TRIM54: variants seen among roughly 807,000 people sequenced by gnomAD.
TRIM54 encodes the protein tripartite motif containing 54, also known as tripartite motif-containing protein 54.
Under a neutral mutation model 42.0 loss-of-function variants are expected in TRIM54, and 40 were observed. The ratio of observed to expected loss-of-function variants is 0.95; its 90% CI spans 0.74 to 1.24. The LOEUF (loss-of-function observed/expected upper bound fraction) is 1.24, where lower values mean the gene tolerates loss of function less well. Among genes scored for constraint, TRIM54 ranks in the 50% most tolerant of loss-of-function variants. TRIM54 has a pLI of 0.00. For synonymous variants in TRIM54, 199 were observed against 194.9 expected, an observed-to-expected ratio of 1.02 and a Z score of -0.17; for missense variants, 485 against 480.3, an observed-to-expected ratio of 1.01 and a Z score of -0.09.
chr2:27,294,036 C>CAAT (rs1305090253), intron 1 of TRIM54, among the ~76,000 whole-genome samples: 151 of 152,120 alleles, frequency 9.9e-4, no homozygotes, highest in African/African-American at 3.4e-3. Context: ...ACAACAACAA[C>CAAT]AATAATAACA....
chr2:27,283,770 A>ACGCACGCGCGCACG (rs1487361341), intron 1 of TRIM54, among the ~76,000 whole-genome samples: 1 of 100,476 alleles, frequency 1.0e-5, no homozygotes, highest in Non-Finnish European at 1.9e-5. Context: ...AAAGGCACAC[A>ACGCACGCGCGCACG]CACACACACG....
In TRIM54 at chr2:27,306,648, G is replaced by C; in HGVS notation, c.*1+106G>C. On this transcript the variant is annotated intron_variant, in intron 8 of 8. Transcript: ENST00000380075. This position sits in a 1 kb window ranked among gnomAD's most constrained non-coding sequence, Gnocchi z 6.1. ...CTCCCCCAGTGATTGCCCTCCCTGC[G>C]GGTAGCGTGGAGCCCCCACTCCTCG... is the stretch of plus-strand genomic sequence containing the variant. The C allele has an allele frequency of 8.3e-7, 1 of 1,201,962 alleles. No individual in the cohort carries two copies. Among genetic ancestry groups the C allele is most frequent in the Non-Finnish European group, 1.1e-6 (1 of 874,058 alleles). 74.5% of individuals were successfully genotyped at this position (1,201,962 alleles called of 1,614,324 possible). A position where few individuals can be genotyped will look rare whatever the true frequency, so the allele number is the denominator to read the frequency against.
intron 2 of TRIM54, 35 bp from the exon 3 acceptor site, chr2:27,299,210 T>C: frequency 6.2e-7 from 1 of 1,610,358 alleles, no homozygotes; most frequent in Non-Finnish European, 8.5e-7. Flanking sequence ...CCCTTCATGC[T>C]TAAGGTCCAC....
chr2:27,305,974 G>C lies in TRIM54; in HGVS notation c.844-106G>C, dbSNP rs866806352. 1.7e-5 allele frequency: 25 copies of C among 1,493,668 alleles called. No homozygotes were observed. The African/African-American group carries it at 3.3e-4, about 20-fold the overall frequency. 92.5% of individuals were successfully genotyped at this position (1,493,668 alleles called of 1,614,324 possible). A position where few individuals can be genotyped will look rare whatever the true frequency, so the allele number is the denominator to read the frequency against. ...AGTTCGTTTTCTGCTTAACGAATTGGGACGTGCCTTCCCACCTACCCCGCA... is the reference window on the plus strand; with the variant it reads ...AGTTCGTTTTCTGCTTAACGAATTGCGACGTGCCTTCCCACCTACCCCGCA... On this transcript the variant is annotated intron_variant, in intron 5 of 8. Transcript: ENST00000380075.
intron 1 of TRIM54, among the ~76,000 whole-genome samples, chr2:27,283,784 GCA>G (rs3073589): frequency 0.03 from 4,021 of 132,102 alleles, 77 homozygotes; most frequent in Middle Eastern, 0.049. Context: ...ACACACGCGC[GCA>G]CACACACACA....
intron 4 of TRIM54, 98 bp downstream of exon 4, chr2:27,305,152 G>C: frequency 9.2e-7 from 1 of 1,090,336 alleles, no homozygotes; most frequent in South Asian, 1.4e-5. Context: ...TCGCCAAACT[G>C]GTCTGAAAGT....
intron 3 of TRIM54, among the ~76,000 whole-genome samples, chr2:27,302,531 C>T (rs1679064476): frequency 6.6e-6 from 1 of 152,064 alleles, no homozygotes; most frequent in African/African-American, 2.4e-5. Flanking sequence ...GTGGCTCATG[C>T]CTGTAATCCC....
intron 3 of TRIM54, among the ~76,000 whole-genome samples, chr2:27,303,685 G>C (rs929559205): frequency 6.6e-6 from 1 of 152,134 alleles, no homozygotes; most frequent in Non-Finnish European, 1.5e-5. Flanking sequence ...ATTTAGGCCC[G>C]TAGGTATTCC....
At chr2:27,285,804 TTA>T (rs1678541376) in intron 1 of TRIM54, among the ~76,000 whole-genome samples, 1 of 152,204 alleles carries the variant, frequency 6.6e-6, no homozygotes, top group African/African-American at 2.4e-5. Context: ...TCTAAAACAT[TTA>T]GATGGTTTTC....
chr2:27,283,764 GCACACACACACACACGCGCGCA>G (rs1400918356), intron 1 of TRIM54, among the ~76,000 whole-genome samples: 12 of 117,928 alleles, frequency 1.0e-4, no homozygotes, highest in African/African-American at 3.4e-4. Flanking sequence ...AGGGGCAAAG[GCACACACACACACACGCGCGCA>G]CACACACACA....
chr2:27,295,411 A>G (rs969608889), intron 1 of TRIM54, among the ~76,000 whole-genome samples: 1 of 152,060 alleles, frequency 6.6e-6, no homozygotes, highest in Non-Finnish European at 1.5e-5. Context: ...GGTTCAAGCA[A>G]TTCTCTTGCC....
intron 1 of TRIM54, among the ~76,000 whole-genome samples, chr2:27,290,518 T>C (rs1678692371): frequency 6.6e-6 from 1 of 152,050 alleles, no homozygotes; most frequent in African/African-American, 2.4e-5. Flanking sequence ...ATCAAAAAAT[T>C]AGCCGGGCAT....
chr2:27,298,755 C>T lies in TRIM54; in HGVS notation c.341+16C>T. The T allele has an allele frequency of 1.2e-6, 2 of 1,611,660 alleles. No individual in the cohort carries two copies. Among genetic ancestry groups the T allele is most frequent in the African/African-American group, 1.3e-5 (1 of 75,044 alleles). On this transcript the variant is annotated intron_variant, in intron 2 of 8. Transcript: ENST00000380075. ...AGTCATCCAGGTGAGCCACCAGAGTCTCTTGCCTCTCTCATGACAGGGCTT... is the reference window on the plus strand; with the variant it reads ...AGTCATCCAGGTGAGCCACCAGAGTTTCTTGCCTCTCTCATGACAGGGCTT...
At chr2:27,283,349 G>A (rs35145802) in intron 1 of TRIM54, among the ~76,000 whole-genome samples, 3,706 of 152,206 alleles carry the variant, frequency 0.024, 62 homozygotes, top group Middle Eastern at 0.054. Flanking sequence ...CTCCATAATG[G>A]CAGTAAAACT....
rs184131812 is a variant in TRIM54, at chr2:27,296,964, G to T, written c.169-1603G>T. On this transcript the variant is annotated intron_variant, in intron 1 of 8. Transcript: ENST00000380075. Reference sequence around the variant, plus strand: ...AGTAGAGATGAGTTCTTGCTATGTTGCCCAGGCTGGTCTCAAACTCCTGAG... The same window carrying T: ...AGTAGAGATGAGTTCTTGCTATGTTTCCCAGGCTGGTCTCAAACTCCTGAG... Among the ~76,000 whole-genome samples the T allele has an allele frequency of 2.1e-3, 314 of 152,190 alleles. 2 individuals carry two copies. Among genetic ancestry groups the T allele is most frequent in the African/African-American group, 7.2e-3 (301 of 41,524 alleles).
rs1028676400 is a variant in TRIM54, at chr2:27,306,647, C to T, written c.*1+105C>T. The T allele has an allele frequency of 1.6e-6, 2 of 1,217,502 alleles. No individual in the cohort carries two copies. Among genetic ancestry groups the T allele is most frequent in the Non-Finnish European group, 2.3e-6 (2 of 888,092 alleles). The allele number at this position is 1,217,502 out of a possible 1,614,324, so 75.4% of individuals were successfully genotyped here. A position where few individuals can be genotyped will look rare whatever the true frequency, so the allele number is the denominator to read the frequency against. On this transcript the variant is annotated intron_variant, in intron 8 of 8. Coordinates refer to ENST00000380075, the MANE Select transcript of TRIM54 (RefSeq NM_187841.3). This position sits in a 1 kb window ranked among gnomAD's most constrained non-coding sequence, Gnocchi z 6.1. Reference sequence around the variant, plus strand: ...CCTCCCCCAGTGATTGCCCTCCCTGCGGGTAGCGTGGAGCCCCCACTCCTC... The same window carrying T: ...CCTCCCCCAGTGATTGCCCTCCCTGTGGGTAGCGTGGAGCCCCCACTCCTC...
At chr2:27,285,403 A>C (rs905397372) in intron 1 of TRIM54, among the ~76,000 whole-genome samples, 2 of 152,220 alleles carry the variant, frequency 1.3e-5, no homozygotes, top group Non-Finnish European at 2.9e-5. Flanking sequence ...ATACCCTTAG[A>C]GCATTGCCTA....
At chr2:27,292,302 G>T (rs549801568) in intron 1 of TRIM54, among the ~76,000 whole-genome samples, 191 of 152,302 alleles carry the variant, frequency 1.3e-3, no homozygotes, top group Admixed American at 4.2e-3. Context: ...TTGGCATGGG[G>T]TCTCACCCCT....
chr2:27,293,910 C>T (rs1275334339), intron 1 of TRIM54, among the ~76,000 whole-genome samples: 1 of 151,952 alleles, frequency 6.6e-6, no homozygotes, highest in Non-Finnish European at 1.5e-5. Context: ...GTACTCCCAG[C>T]TACTCAGGAG....
Sources: gnomAD v4.1 joint callset for allele counts (sites outside exome capture counted in the v4.1 genomes callset) on GRCh38, gnomAD v4.1.1 for gene constraint, Gnocchi (gnomAD v3.1) non-coding constraint, MANE v1.5 for transcripts, NCBI Gene and HGNC (gene_info 2026-07-23, HGNC 2026-07-21) for gene names.